Variants in PDE4A observed in about 807,000 individuals in gnomAD.
PDE4A encodes phosphodiesterase 4A.
PDE4A carries 21 observed loss-of-function variants against 73.9 expected under a neutral mutation model. That is an observed-to-expected ratio of 0.28 (90% confidence interval 0.20 to 0.41). PDE4A has a LOEUF of 0.41. Ranked by LOEUF, PDE4A falls within the 10% of genes least tolerant of loss-of-function variation. The pLI is 1.00. For synonymous variants in PDE4A, 463 were observed against 505.4 expected (o/e 0.92, Z 1.13); for missense variants, 958 against 1,211.4 (o/e 0.79, Z 3.10).
chr19:10,457,060 C>T (rs774514334), intron 7 of PDE4A, among the ~76,000 whole-genome samples: 12 of 151,126 alleles, frequency 7.9e-5, no homozygotes, highest in South Asian at 2.1e-4. Flanking sequence ...TAGCCGGGCG[C>T]GGTGGCGGGT....
At chr19:10,460,337 A>T (rs2043242341) in intron 10 of PDE4A, among the ~76,000 whole-genome samples, 1 of 151,946 alleles carries the variant, frequency 6.6e-6, no homozygotes, top group Non-Finnish European at 1.5e-5. Context: ...TGTCTTTACT[A>T]AAAATACAAA....
chr19:10,450,578 C>G, intron 4 of PDE4A, 25 bp from the exon 5 acceptor site: 3 of 1,588,004 alleles, frequency 1.9e-6, no homozygotes, highest in Non-Finnish European at 2.6e-6. Flanking sequence ...GCTGACATTG[C>G]AGCCCCATTT....
Position 10,453,037 on chromosome 19 carries a change from G to T in PDE4A, c.784-1792G>T, listed in dbSNP as rs538458995. On this transcript the variant is annotated intron_variant, in intron 6 of 14. Coordinates refer to ENST00000380702, the MANE Select transcript of PDE4A (RefSeq NM_001111307.2). This position sits in a 1 kb window ranked among gnomAD's most constrained non-coding sequence, Gnocchi z 4.6. ...CCCACCGCCTCCACCCACTGCCGCGGGGGGGCCCGTTGGGGCCCAGGGCTG... is the reference window on the plus strand; with the variant it reads ...CCCACCGCCTCCACCCACTGCCGCGTGGGGGCCCGTTGGGGCCCAGGGCTG... The T allele has an allele frequency of 2.4e-4, 316 of 1,339,480 alleles. 3 individuals are homozygous for T. In the South Asian group the frequency reaches 5.4e-3, roughly 23 times the overall value. 83.0% of individuals were successfully genotyped at this position (1,339,480 alleles called of 1,614,324 possible).
intron 1 of PDE4A, chr19:10,423,243 C>G: frequency 1.9e-6 from 1 of 514,922 alleles, no homozygotes; most frequent in Non-Finnish European, 2.5e-6. Context: ...ACTGCAACCT[C>G]TGCCTTCCGG....
upstream of PDE4A, chr19:10,416,917 T>C: frequency 6.5e-7 from 1 of 1,538,434 alleles, no homozygotes; most frequent in Non-Finnish European, 8.7e-7. Flanking sequence ...GCCACCGCAG[T>C]CCCAACGGCG....
In PDE4A at chr19:10,469,110, C is replaced by T. The variant is rs200365847; in HGVS notation, c.*1489C>T. 10 of 152,696 alleles carry T rather than the reference C, an allele frequency of 6.5e-5. 1 individual carries two copies. Among genetic ancestry groups the T allele is most frequent in the Admixed American group, 4.6e-4 (7 of 15,282 alleles). 9.5% of individuals were successfully genotyped at this position (152,696 alleles called of 1,614,324 possible). On this transcript the variant is annotated 3_prime_UTR_variant, in exon 15 of 15. Coordinates refer to ENST00000380702, the MANE Select transcript of PDE4A (RefSeq NM_001111307.2). ...AGGGTTCATATTTTGTAGCGAAAGT[C>T]GTTTTTGTCCCAGCCGGCGATCGGA... is the stretch of plus-strand genomic sequence containing the variant.
intron 1 of PDE4A, among the ~76,000 whole-genome samples, chr19:10,445,889 G>A (rs148695781): frequency 0.11 from 15,688 of 144,792 alleles, 1,018 homozygotes; most frequent in Middle Eastern, 0.21. Flanking sequence ...CCAGGCTGGA[G>A]TGCAGTGGCA....
At chr19:10,425,680 T>C (rs2145451796) in intron 1 of PDE4A, among the ~76,000 whole-genome samples, 1 of 152,260 alleles carries the variant, frequency 6.6e-6, no homozygotes, top group Non-Finnish European at 1.5e-5. Flanking sequence ...CTTTTCATTG[T>C]GGAGTATGAA....
chr19:10,427,924 G>A (rs2042737680), intron 1 of PDE4A: 5 of 903,252 alleles, frequency 5.5e-6, no homozygotes, highest in South Asian at 1.0e-4. Flanking sequence ...GAGCCTGGGA[G>A]GTGGAGGTTG....
chr19:10,432,355 C>T, intron 1 of PDE4A: 4 of 1,304,512 alleles, frequency 3.1e-6, no homozygotes, highest in Non-Finnish European at 3.9e-6. Context: ...GCCGCAGACA[C>T]CTTGGGCCTG....
At chr19:10,420,457 G>T, upstream of PDE4A, 2 of 815,588 alleles carry the variant, frequency 2.5e-6, no homozygotes, top group Non-Finnish European at 3.0e-6. The surrounding 1 kb of genome is among the most constrained non-coding windows in gnomAD (Gnocchi z 6.0). Flanking sequence ...CGGCGGGCGG[G>T]GGGCGGGGAG....
chr19:10,428,950 GA>G, intron 1 of PDE4A: 1 of 931,742 alleles, frequency 1.1e-6, no homozygotes, highest in Non-Finnish European at 1.3e-6. Context: ...AAAAATACAA[GA>G]AAAATTTGCC....
chr19:10,459,317 A>G, intron 8 of PDE4A, 83 bp from the exon 9 acceptor site: 1 of 1,600,678 alleles, frequency 6.2e-7, no homozygotes. Flanking sequence ...CTTCCTTCAG[A>G]CCAAGGCTTC....
upstream of PDE4A, chr19:10,417,949 G>T (rs947094998): frequency 1.4e-6 from 2 of 1,426,804 alleles, no homozygotes; most frequent in African/African-American, 2.8e-5. Context: ...AGCCCTTCCC[G>T]ATCTCCATGC....
intron 1 of PDE4A, among the ~76,000 whole-genome samples, chr19:10,440,142 A>G (rs980767316): frequency 1.8e-4 from 27 of 151,170 alleles, no homozygotes; most frequent in African/African-American, 6.5e-4. Flanking sequence ...CCACCACCAC[A>G]CCTAGCTAAT....
At chr19:10,430,596 G>T (rs575332823) in intron 1 of PDE4A, among the ~76,000 whole-genome samples, 12 of 152,190 alleles carry the variant, frequency 7.9e-5, no homozygotes, top group Admixed American at 4.6e-4. Context: ...GGACGCGTCC[G>T]GCGATTGTGA....
Position 10,463,790 on chromosome 19 carries a change from C to T in PDE4A, c.1744-3C>T, listed in dbSNP as rs760587179. 2 of 1,613,992 alleles carry T rather than the reference C, an allele frequency of 1.2e-6. No individual in the cohort carries two copies. The highest frequency in any genetic ancestry group is 1.1e-5 in the South Asian group (1 of 91,086). On this transcript the variant is annotated splice_region_variant and splice_polypyrimidine_tract_variant and intron_variant, in intron 13 of 14. Transcript: ENST00000380702. ...GTTTCCCCTGTGCCCCAACCCCATG[C>T]AGGTCCTCCGGAACATGGTGCACTG...
chr19:10,461,835 G>C (rs1271843377), intron 12 of PDE4A, 42 bp from the exon 13 acceptor site: 7 of 1,601,960 alleles, frequency 4.4e-6, no homozygotes, highest in Admixed American at 1.7e-5. Context: ...TCAGTCTGGG[G>C]GGCGGGTGTC....
Position 10,459,516 on chromosome 19 carries a change from G to C in PDE4A, c.1200+18G>C, listed in dbSNP as rs372471203. On this transcript the variant is annotated intron_variant, in intron 9 of 14. Coordinates refer to ENST00000380702, the MANE Select transcript of PDE4A (RefSeq NM_001111307.2). ...TATTCCAGGTGATGGGGACAGCTGGGAGTGGGCCCGGGTGAGGGGCTCATA... is the reference window on the plus strand; with the variant it reads ...TATTCCAGGTGATGGGGACAGCTGGCAGTGGGCCCGGGTGAGGGGCTCATA... 1.9e-6 allele frequency: 3 copies of C among 1,612,114 alleles called. No homozygotes were observed. The highest frequency in any genetic ancestry group is 2.5e-6 in the Non-Finnish European group (3 of 1,178,506).
Sources: gnomAD v4.1 joint callset for allele counts (sites outside exome capture counted in the v4.1 genomes callset) on GRCh38, gnomAD v4.1.1 for gene constraint, Gnocchi (gnomAD v3.1) non-coding constraint, MANE v1.5 for transcripts, NCBI Gene and HGNC (gene_info 2026-07-23, HGNC 2026-07-21) for gene names.